The following SLC7A2 variants were observed in gnomAD, a reference collection of about 807,000 sequenced individuals.
SLC7A2 encodes the protein cationic amino acid transporter 2.
A neutral mutation model predicts 58.9 loss-of-function variants in SLC7A2; 48 were observed. That is an observed-to-expected ratio of 0.82 (90% CI 0.65 to 1.04). The LOEUF (loss-of-function observed/expected upper bound fraction) is 1.04, where lower values mean the gene tolerates loss of function less well. Among genes scored for constraint, SLC7A2 ranks in the 50% least tolerant of loss-of-function variants. The probability of loss-of-function intolerance (pLI) is 0.00; values close to 1 mark genes in which losing one functional copy is unlikely to be tolerated. For synonymous variants in SLC7A2, 363 were observed against 314.5 expected (o/e 1.15, Z -1.63); for missense variants, 1,029 against 818.8 (o/e 1.26, Z -3.13).
chr8:17,543,142 C>T (rs1167697497), intron 2 of SLC7A2, among the ~76,000 whole-genome samples, 176 bp from the exon 3 acceptor site: 1 of 151,840 alleles, frequency 6.6e-6, no homozygotes, highest in African/African-American at 2.4e-5. Context: ...GGTTATTAAA[C>T]CTTCCTTCTG....
chr8:17,550,475 T>C lies in SLC7A2; in HGVS notation c.832+41T>C, dbSNP rs769902102. ...TGGCTCAGTGTAGAAGGAGTGTTCC[T>C]TGTTGTGCACGAGTACCCGTGTGTG... On this transcript the variant is annotated intron_variant, in intron 6 of 12. Transcript: ENST00000494857. The C allele has an allele frequency of 7.5e-6, 12 of 1,593,034 alleles. No individual in the cohort carries two copies. The East Asian group carries it at 2.7e-4, about 36-fold the overall frequency.
intron 9 of SLC7A2, 38 bp downstream of exon 9, chr8:17,558,435 C>T (rs370370374): frequency 1.0e-4 from 138 of 1,340,268 alleles, no homozygotes; most frequent in Middle Eastern, 1.8e-4. Flanking sequence ...GTACCATGCA[C>T]GAGGGACTCT....
upstream of SLC7A2, among the ~76,000 whole-genome samples, chr8:17,496,202 T>C (rs967393420): frequency 6.6e-6 from 1 of 152,048 alleles, no homozygotes; most frequent in African/African-American, 2.4e-5. Context: ...AAGCCTGTAG[T>C]TGTCAGCACT....
chr8:17,505,802 A>G (rs895989774), intron 2 of SLC7A2, among the ~76,000 whole-genome samples: 1 of 152,218 alleles, frequency 6.6e-6, no homozygotes, highest in Admixed American at 6.5e-5. Context: ...TCTTGTAGAA[A>G]TCTCTGAGAT....
chr8:17,531,451 T>C (rs548067515), intron 2 of SLC7A2, among the ~76,000 whole-genome samples: 1 of 152,174 alleles, frequency 6.6e-6, no homozygotes, highest in Non-Finnish European at 1.5e-5. Context: ...TGTATATGGA[T>C]ATATTTTTTA....
In SLC7A2 at chr8:17,548,776, G is replaced by C; in HGVS notation, c.631G>C (p.Val211Leu). The C allele has an allele frequency of 6.2e-7, 1 of 1,613,922 alleles. No individual in the cohort carries two copies. Among genetic ancestry groups the C allele is most frequent in the Non-Finnish European group, 8.5e-7 (1 of 1,179,932 alleles). The change falls in exon 5 of 13, where the codon GTG becomes CTG. Residue 211 changes from valine (V) to leucine (L), a missense_variant. By Grantham distance (32) the Val-to-Leu change is conservative. Coordinates refer to ENST00000494857, the MANE Select transcript of SLC7A2 (RefSeq NM_001370338.1). Reference sequence around the variant, plus strand: ...TCTGTTTGTGATGGTTGCTGGGTTTGTGAAAGGAAATGTGGCAAACTGGAA... The same window carrying C: ...TCTGTTTGTGATGGTTGCTGGGTTTCTGAAAGGAAATGTGGCAAACTGGAA... The part of the protein sequence containing the change: ...VLLFVMVAGF[V>L]KGNVANWKIS...
intron 2 of SLC7A2, among the ~76,000 whole-genome samples, chr8:17,539,853 T>G (rs184731591): frequency 6.6e-6 from 1 of 152,322 alleles, no homozygotes; most frequent in East Asian, 1.9e-4. Flanking sequence ...ATTTGTTGTA[T>G]AAGTAGGAGG....
chr8:17,528,463 C>T (rs2150705718), intron 2 of SLC7A2, among the ~76,000 whole-genome samples: 1 of 152,196 alleles, frequency 6.6e-6, no homozygotes, highest in Middle Eastern at 3.4e-3. Context: ...TGGCTCACTG[C>T]AGCCTCTACC....
At position 17,543,425 on chromosome 8, in the gene SLC7A2, A is replaced by G. The variant is rs921216265; in HGVS notation, c.86A>G (p.Lys29Arg). Residue 29 changes from lysine to arginine, a missense_variant, in exon 3 of 13, where the codon AAA (lysine) becomes AGA (arginine). Lys to Arg is a conservative substitution (Grantham distance 26). Coordinates refer to ENST00000494857, the MANE Select transcript of SLC7A2 (RefSeq NM_001370338.1). ...ACCCTGGACAGTCTAGAAGACACCA[A>G]ATTATGCCGCTGCTTATCCACCATG... ...IVTLDSLEDT[K>R]LCRCLSTMDL... 7 of 1,613,972 alleles carry G rather than the reference A, an allele frequency of 4.3e-6. No homozygotes were observed. The African/African-American group carries it at 8.0e-5, about 18-fold the overall frequency.
intron 2 of SLC7A2, among the ~76,000 whole-genome samples, chr8:17,539,374 A>C (rs1007995335): frequency 1.3e-5 from 2 of 152,234 alleles, no homozygotes; most frequent in African/African-American, 4.8e-5. Context: ...CATTAGGCTC[A>C]TGAAAATCAT....
intron 2 of SLC7A2, among the ~76,000 whole-genome samples, chr8:17,531,518 T>G (rs1436497961): frequency 6.6e-6 from 1 of 152,174 alleles, no homozygotes; most frequent in Non-Finnish European, 1.5e-5. Context: ...AATTATATTC[T>G]TTGTAAAACC....
At position 17,557,115 on chromosome 8, in the gene SLC7A2, C is replaced by T. The variant is rs569106275; in HGVS notation, c.1196-1180C>T. On this transcript the variant is annotated intron_variant, in intron 8 of 12. Transcript: ENST00000494857. ...GGGGTCAAAAATTGTCAAATCCAGC[C>T]ATTTTATATGCCTAAACATAAATGA... Among the ~76,000 whole-genome samples, 24 of 152,256 alleles carry T rather than the reference C, an allele frequency of 1.6e-4. 1 individual carries two copies. The South Asian group carries it at 5.0e-3, about 32-fold the overall frequency.
rs1800190346 is a variant in SLC7A2, at chr8:17,502,267, T to G, written c.-58T>G. ...CATTGCTTCTCCCAGCAGGAGACTC[T>G]CTGAAGACCAGCAGGAAAGCAGTGA... is the stretch of plus-strand genomic sequence containing the variant. On this transcript the variant is annotated 5_prime_UTR_variant, in exon 2 of 13. Transcript: ENST00000494857. 2 of 152,056 alleles carry G rather than the reference T, an allele frequency of 1.3e-5. No individual in the cohort carries two copies. Among genetic ancestry groups the G allele is most frequent in the Admixed American group, 6.6e-5 (1 of 15,252 alleles). 9.4% of individuals were successfully genotyped at this position (152,056 alleles called of 1,614,324 possible). A position where few individuals can be genotyped will look rare whatever the true frequency, so the allele number is the denominator to read the frequency against.
intron 2 of SLC7A2, among the ~76,000 whole-genome samples, chr8:17,533,729 G>A (rs755738990): frequency 2.0e-5 from 3 of 152,166 alleles, no homozygotes; most frequent in Non-Finnish European, 2.9e-5. Context: ...TACTAATCCA[G>A]AGAAAAGTGA....
At position 17,501,321 on chromosome 8, in the gene SLC7A2, G is replaced by A. The variant is rs183873702; in HGVS notation, c.-68-936G>A. Among the ~76,000 whole-genome samples, 17 of 152,262 alleles carry A rather than the reference G, an allele frequency of 1.1e-4. 1 individual carries two copies. The highest frequency in any genetic ancestry group is 3.4e-4 in the African/African-American group (14 of 41,554). On this transcript the variant is annotated intron_variant, in intron 1 of 12. Transcript: ENST00000494857. ...GAGCCACTGTGCTCGGCCTCTTATG[G>A]ACTCTTAAAGTTTAAATATTTCTGA...
intron 2 of SLC7A2, among the ~76,000 whole-genome samples, chr8:17,536,572 C>T (rs1440273536): frequency 1.3e-5 from 2 of 152,078 alleles, no homozygotes; most frequent in African/African-American, 4.8e-5. Context: ...AACAATTCTA[C>T]CTTATGTCAA....
intron 8 of SLC7A2, among the ~76,000 whole-genome samples, chr8:17,556,076 A>G (rs1362521366): frequency 2.0e-5 from 3 of 152,232 alleles, no homozygotes; most frequent in African/African-American, 4.8e-5. Flanking sequence ...CTTTGTAAAC[A>G]TTTTCTTATA....
chr8:17,512,459 A>G (rs1343590033), intron 2 of SLC7A2, among the ~76,000 whole-genome samples: 2 of 152,152 alleles, frequency 1.3e-5, no homozygotes, highest in Non-Finnish European at 2.9e-5. Context: ...AGGCAGGAGA[A>G]TCGCTTGAAC....
intron 2 of SLC7A2, among the ~76,000 whole-genome samples, chr8:17,504,667 A>C (rs1260828461): frequency 6.6e-6 from 1 of 152,158 alleles, no homozygotes; most frequent in Non-Finnish European, 1.5e-5. Flanking sequence ...TTATTAATAC[A>C]TTTGGAGAAG....
Sources: gnomAD v4.1 joint callset for allele counts (sites outside exome capture counted in the v4.1 genomes callset) on GRCh38, gnomAD v4.1.1 for gene constraint, MANE v1.5 for transcripts, NCBI Gene and HGNC (gene_info 2026-07-23, HGNC 2026-07-21) for gene names.